OTC: variants seen among roughly 807,000 people sequenced by gnomAD.
The protein encoded by OTC is ornithine transcarbamylase, also known as ornithine transcarbamylase, mitochondrial.
Under a neutral mutation model 30.3 loss-of-function variants are expected in OTC, and 3 were observed. The observed-to-expected ratio is 0.10, with a 90% CI of 0.05 to 0.26. OTC has a LOEUF of 0.26. Among genes scored for constraint, OTC ranks in the 10% least tolerant of loss-of-function variants. The probability of loss-of-function intolerance (pLI) is 1.00; values close to 1 mark genes in which losing one functional copy is unlikely to be tolerated. For synonymous variants in OTC, 111 were observed against 99.7 expected (o/e 1.11, Z -0.67); for missense variants, 194 against 260.3 (o/e 0.75, Z 1.75).
At chrX:38,380,101 T>G (rs2068368383) in intron 3 of OTC, among the ~76,000 whole-genome samples, 4 of 111,982 alleles carry the variant, frequency 3.6e-5, no homozygotes, top group Admixed American at 2.9e-4. Context: ...GATATTGTCC[T>G]ATATGGCTAT....
intron 3 of OTC, 92 bp downstream of exon 3, chrX:38,369,969 C>G: frequency 1.1e-5 from 6 of 551,132 alleles, no homozygotes; most frequent in Non-Finnish European, 1.6e-5. Context: ...ATTTGTCTGC[C>G]TCTAGCAACC....
the OTC span, among the ~76,000 whole-genome samples, chrX:38,341,901 T>C: frequency 9.0e-6 from 1 of 110,709 alleles, no homozygotes; most frequent in Non-Finnish European, 1.9e-5. Context: ...GTTTCCTTTT[T>C]ATTTTCCACT....
chrX:38,334,006 C>A, the OTC span, among the ~76,000 whole-genome samples: 1 of 112,226 alleles, frequency 8.9e-6, no homozygotes, highest in African/African-American at 3.2e-5. Context: ...CAGTCTACTG[C>A]ACATTTTATT....
chrX:38,344,821 C>T, the OTC span, among the ~76,000 whole-genome samples: 1 of 110,018 alleles, frequency 9.1e-6, no homozygotes, highest in Non-Finnish European at 1.9e-5. Flanking sequence ...GTTACATATC[C>T]AATAAAAGTG....
At chrX:38,407,090 A>G (rs1333720544) in intron 6 of OTC, among the ~76,000 whole-genome samples, 1 of 112,788 alleles carries the variant, frequency 8.9e-6, no homozygotes, top group Non-Finnish European at 1.9e-5. Context: ...GGAAGGAAGC[A>G]GGAGTAAGAG....
At chrX:38,331,431 GTTTTTTTTTTGTT>G in the OTC span, among the ~76,000 whole-genome samples, 1 of 73,451 alleles carries the variant, frequency 1.4e-5, no homozygotes, top group Non-Finnish European at 2.5e-5. Flanking sequence ...TTTTTTTTTT[GTTTTTTTTTTGTT>G]TTTTTTTTTT....
chrX:38,409,085 T>G, intron 8 of OTC, 60 bp downstream of exon 8: 3 of 1,103,522 alleles, frequency 2.7e-6, no homozygotes, highest in Non-Finnish European at 2.5e-6. Flanking sequence ...CAGAACCATC[T>G]AATCACTTAT....
intron 9 of OTC, among the ~76,000 whole-genome samples, chrX:38,415,906 G>A (rs1038202228): frequency 3.6e-5 from 4 of 112,169 alleles, no homozygotes; most frequent in African/African-American, 6.5e-5. Context: ...CAGTTCCTCA[G>A]TTATACTAAC....
chrX:38,377,286 A>C (rs1266272814), intron 3 of OTC, among the ~76,000 whole-genome samples: 1 of 111,798 alleles, frequency 8.9e-6, no homozygotes, highest in Non-Finnish European at 1.9e-5. Flanking sequence ...GAAGCACAGC[A>C]TATTAAAACT....
intron 6 of OTC, among the ~76,000 whole-genome samples, chrX:38,406,921 G>A (rs2068518274): frequency 8.9e-6 from 1 of 112,510 alleles, no homozygotes; most frequent in African/African-American, 3.2e-5. Context: ...AGAAACTATG[G>A]TAGACAATCA....
chrX:38,421,817 A>T (rs1409154589), downstream of OTC, among the ~76,000 whole-genome samples: 1 of 111,729 alleles, frequency 9.0e-6, no homozygotes, highest in Non-Finnish European at 1.9e-5. Flanking sequence ...AAATTCTCCA[A>T]CAAGAATAAT....
intron 5 of OTC, among the ~76,000 whole-genome samples, chrX:38,403,088 A>T (rs1184109093): frequency 1.8e-5 from 2 of 111,901 alleles, no homozygotes; most frequent in Non-Finnish European, 3.8e-5. Flanking sequence ...CTGGGATTAC[A>T]GGAATGAGCC....
the OTC span, among the ~76,000 whole-genome samples, chrX:38,341,613 C>T: frequency 2.7e-5 from 3 of 112,183 alleles, no homozygotes; most frequent in Admixed American, 9.5e-5. Context: ...TATTATGCAT[C>T]TTCATTACAC....
intron 1 of OTC, among the ~76,000 whole-genome samples, chrX:38,359,914 C>CTTTTTTTTTTTTT (rs57184116): frequency 1.1e-5 from 1 of 94,501 alleles, no homozygotes; most frequent in African/African-American, 3.9e-5. Flanking sequence ...TTCTTTCTTT[C>CTTTTTTTTTTTTT]TTTTTTTTTT....
At chrX:38,338,485 C>T in the OTC span, among the ~76,000 whole-genome samples, 3 of 111,956 alleles carry the variant, frequency 2.7e-5, no homozygotes, top group African/African-American at 9.8e-5. Flanking sequence ...TTTCTGAATC[C>T]GTCAGAGTTC....
At chrX:38,413,954 G>A (rs762406674) in intron 9 of OTC, among the ~76,000 whole-genome samples, 6 of 110,373 alleles carry the variant, frequency 5.4e-5, no homozygotes, top group Non-Finnish European at 9.5e-5. Context: ...GATTACAGGC[G>A]TGAGCCACCG....
chrX:38,404,735 C>T (rs767178704), intron 6 of OTC, among the ~76,000 whole-genome samples: 2 of 110,966 alleles, frequency 1.8e-5, no homozygotes, highest in African/African-American at 6.6e-5. Flanking sequence ...GGGAGCAGGA[C>T]AGGGAAAGGG....
the OTC span, among the ~76,000 whole-genome samples, chrX:38,339,050 G>T: frequency 0.016 from 1,795 of 112,092 alleles, 23 homozygotes; most frequent in Admixed American, 0.066. Flanking sequence ...GAACTAGTTG[G>T]GGGGTGGGTT....
chrX:38,327,686 C>G, the OTC span: 27 of 344,593 alleles, frequency 7.8e-5, no homozygotes, highest in African/African-American at 5.7e-4. Context: ...CGGCCTGGAG[C>G]AGAGAGGCGG....
Sources: gnomAD v4.1 joint callset for allele counts (sites outside exome capture counted in the v4.1 genomes callset) on GRCh38, gnomAD v4.1.1 for gene constraint, MANE v1.5 for transcripts, NCBI Gene and HGNC (gene_info 2026-07-23, HGNC 2026-07-21) for gene names.